The following FOXN3 variants were observed in gnomAD, a reference collection of about 807,000 sequenced individuals.
FOXN3 encodes the protein forkhead box protein N3.
FOXN3 carries 7 observed loss-of-function variants against 38.4 expected under a neutral mutation model. The ratio of observed to expected loss-of-function variants is 0.18; its 90% confidence interval spans 0.10 to 0.34. FOXN3 has a LOEUF of 0.34. Among genes scored for constraint, FOXN3 ranks in the 10% least tolerant of loss-of-function variants. FOXN3 has a pLI of 1.00. For synonymous variants in FOXN3, 230 were observed against 242.2 expected (o/e 0.95, Z 0.47); for missense variants, 456 against 613.4 (o/e 0.74, Z 2.71).
intron 4 of FOXN3, among the ~76,000 whole-genome samples, chr14:89,256,005 A>G (rs1325888925): frequency 6.6e-6 from 1 of 152,122 alleles, no homozygotes; most frequent in African/African-American, 2.4e-5. Flanking sequence ...GTAAGTCTAG[A>G]GGGCAGGGTG....
chr14:89,215,223 G>C (rs923187990), intron 4 of FOXN3, among the ~76,000 whole-genome samples: 5 of 147,200 alleles, frequency 3.4e-5, no homozygotes, highest in African/African-American at 1.3e-4. Flanking sequence ...GTCTGGGTTA[G>C]AGTTAAAAAA....
At chr14:89,176,151 T>C (rs950919948) in intron 5 of FOXN3, among the ~76,000 whole-genome samples, 2 of 152,184 alleles carry the variant, frequency 1.3e-5, no homozygotes. Context: ...GGGCCAATCT[T>C]GGAGGTTATT....
At chr14:89,565,979 T>C (rs1895340696) in intron 1 of FOXN3, among the ~76,000 whole-genome samples, 2 of 152,228 alleles carry the variant, frequency 1.3e-5, no homozygotes, top group Admixed American at 1.3e-4. Context: ...ACCTGCTGTG[T>C]AGCGAAGGGG....
At chr14:89,181,367 TG>T (rs1464390385) in intron 4 of FOXN3, among the ~76,000 whole-genome samples, 4 of 152,232 alleles carry the variant, frequency 2.6e-5, no homozygotes, top group Non-Finnish European at 4.4e-5. Context: ...TGCTTTGCCA[TG>T]GGCAGAAGCT....
intron 3 of FOXN3, among the ~76,000 whole-genome samples, chr14:89,306,927 C>T (rs1264442352): frequency 7.0e-6 from 1 of 143,136 alleles, no homozygotes; most frequent in African/African-American, 2.5e-5. Context: ...AACACACTCA[C>T]TTGTTTATGT....
chr14:89,318,710 A>G (rs184601769), intron 3 of FOXN3, among the ~76,000 whole-genome samples: 1 of 152,340 alleles, frequency 6.6e-6, no homozygotes, highest in Admixed American at 6.5e-5. Flanking sequence ...GATACAGACA[A>G]GGACACTAAT....
At chr14:89,534,417 G>T (rs1453987243) in intron 1 of FOXN3, among the ~76,000 whole-genome samples, 2 of 151,942 alleles carry the variant, frequency 1.3e-5, no homozygotes, top group Admixed American at 1.3e-4. Context: ...TATTCTTTTT[G>T]ATAGGAAAAA....
intron 1 of FOXN3, among the ~76,000 whole-genome samples, chr14:89,459,289 G>C (rs1892790664): frequency 6.6e-6 from 1 of 152,198 alleles, no homozygotes; most frequent in South Asian, 2.1e-4. Context: ...CCTTTGGAAG[G>C]AAACTCCTAA....
chr14:89,417,919 C>T (rs1891798478), upstream of FOXN3: 4 of 341,954 alleles, frequency 1.2e-5, no homozygotes, highest in Non-Finnish European at 1.8e-5. Flanking sequence ...GTGGGTTGTG[C>T]GGAACGCCCC....
rs1758350110 is a variant in FOXN3, at chr14:89,157,381, T to C, written c.*5033A>G. ...ATTATTCATGATAAAGCAACCGAGC[T>C]GACGAGTCTGTGCTTAATTCAAGAA... On this transcript the variant is annotated 3_prime_UTR_variant, in exon 6 of 6. Coordinates refer to ENST00000557258, the MANE Select transcript of FOXN3 (RefSeq NM_005197.4). 6.6e-6 allele frequency: 1 copy of C among 152,668 alleles called. No individual in the cohort carries two copies. The highest frequency in any genetic ancestry group is 2.1e-4 in the South Asian group (1 of 4,834). The allele number at this position is 152,668 out of a possible 1,614,324, so 9.5% of individuals were successfully genotyped here.
chr14:89,449,359 C>G (rs1425528150), intron 1 of FOXN3, among the ~76,000 whole-genome samples: 1 of 152,198 alleles, frequency 6.6e-6, no homozygotes, highest in Admixed American at 6.5e-5. Context: ...ATATCCTCTT[C>G]TTATATTTAC....
At chr14:89,224,833 T>C (rs917609967) in intron 4 of FOXN3, among the ~76,000 whole-genome samples, 1 of 152,132 alleles carries the variant, frequency 6.6e-6, no homozygotes, top group Non-Finnish European at 1.5e-5. Context: ...ACCCTGTCTC[T>C]ATAAAAAGAA....
intron 4 of FOXN3, among the ~76,000 whole-genome samples, chr14:89,215,868 C>T (rs907833416): frequency 1.3e-5 from 2 of 152,146 alleles, no homozygotes; most frequent in African/African-American, 2.4e-5. Flanking sequence ...GGGCAGATGA[C>T]GGAATAATGA....
chr14:89,601,467 C>A (rs889587518), intron 1 of FOXN3, among the ~76,000 whole-genome samples: 3 of 152,186 alleles, frequency 2.0e-5, no homozygotes, highest in Non-Finnish European at 2.9e-5. Flanking sequence ...CACAATTTAA[C>A]TTAGGTCCAT....
At position 89,163,063 on chromosome 14, in the gene FOXN3, C is replaced by T; in HGVS notation, c.852-94G>A. The stretch of plus-strand genomic sequence containing the variant: ...GGGCACCCGGCAGCCCGCCTGCATT[C>T]AACCATCAGTCCCTTTGTGTTCAAT... On this transcript the variant is annotated intron_variant, in intron 5 of 5. Transcript: ENST00000557258. This position sits in a 1 kb window ranked among gnomAD's most constrained non-coding sequence, Gnocchi z 4.3. 3 of 1,181,662 alleles carry T rather than the reference C, an allele frequency of 2.5e-6. No homozygotes were observed. The highest frequency in any genetic ancestry group is 3.4e-6 in the Non-Finnish European group (3 of 871,692). 73.2% of individuals were successfully genotyped at this position (1,181,662 alleles called of 1,614,324 possible).
chr14:89,348,054 C>T (rs2140004637), intron 3 of FOXN3, among the ~76,000 whole-genome samples: 1 of 152,248 alleles, frequency 6.6e-6, no homozygotes, highest in Non-Finnish European at 1.5e-5. Context: ...TCTCAAATGT[C>T]TCGCTTTTCC....
chr14:89,429,161 C>A (rs1036281019), intron 1 of FOXN3, among the ~76,000 whole-genome samples: 2 of 152,194 alleles, frequency 1.3e-5, no homozygotes, highest in Non-Finnish European at 2.9e-5. Flanking sequence ...TGGCTGCGAC[C>A]TTGAAAAGTC....
At chr14:89,256,493 T>C (rs1274943462) in intron 4 of FOXN3, among the ~76,000 whole-genome samples, 2 of 152,008 alleles carry the variant, frequency 1.3e-5, no homozygotes, top group African/African-American at 2.4e-5. Flanking sequence ...TGCAAACATA[T>C]GATTTATGAA....
chr14:89,381,419 C>T (rs556955857), intron 2 of FOXN3, among the ~76,000 whole-genome samples: 43 of 149,632 alleles, frequency 2.9e-4, no homozygotes, highest in Admixed American at 2.5e-3. Flanking sequence ...GTGACATAAC[C>T]ATAAGAGCCC....
Sources: gnomAD v4.1 joint callset for allele counts (sites outside exome capture counted in the v4.1 genomes callset) on GRCh38, gnomAD v4.1.1 for gene constraint, Gnocchi (gnomAD v3.1) non-coding constraint, MANE v1.5 for transcripts, NCBI Gene and HGNC (gene_info 2026-07-23, HGNC 2026-07-21) for gene names.